SULF1: variants seen among roughly 807,000 people sequenced by gnomAD.
SULF1 encodes the protein sulfatase 1, also known as extracellular sulfatase Sulf-1.
Under a neutral mutation model 110.5 loss-of-function variants are expected in SULF1, and 46 were observed. The ratio of observed to expected loss-of-function variants is 0.42; its 90% CI spans 0.33 to 0.53. The LOEUF (loss-of-function observed/expected upper bound fraction) is 0.53, where lower values mean the gene tolerates loss of function less well. Among genes scored for constraint, SULF1 ranks in the 20% least tolerant of loss-of-function variants. The pLI, the probability that SULF1 is intolerant of heterozygous loss-of-function variation, is 0.12. For synonymous variants in SULF1, 371 were observed against 387.1 expected (o/e 0.96, Z 0.49); for missense variants, 941 against 1,094.2 (o/e 0.86, Z 1.98).
chr8:69,527,397 G>A lies in SULF1; in HGVS notation c.-134+25429G>A, dbSNP rs537002861. ...AATAGCCATGTCATTGGGGGCAAGC[G>A]GAAAGACAAGGTAAATGACCAGTAG... On this transcript the variant is annotated intron_variant, in intron 3 of 22. Coordinates refer to ENST00000402687, the MANE Select transcript of SULF1 (RefSeq NM_001128205.2). Among the ~76,000 whole-genome samples, 7 of 152,038 alleles carry A rather than the reference G, an allele frequency of 4.6e-5. No homozygotes were observed. The South Asian group carries it at 8.3e-4, about 18-fold the overall frequency.
chr8:69,568,352 G>A (rs76088786), intron 5 of SULF1, among the ~76,000 whole-genome samples: 2 of 152,206 alleles, frequency 1.3e-5, no homozygotes, highest in East Asian at 1.9e-4. Flanking sequence ...TTATAAAATC[G>A]AGCCAGGGAG....
chr8:69,618,472 T>C (rs1809351318), intron 13 of SULF1, among the ~76,000 whole-genome samples: 1 of 152,188 alleles, frequency 6.6e-6, no homozygotes, highest in Non-Finnish European at 1.5e-5. Context: ...AGTATGTATG[T>C]AGGCTAAATG....
At chr8:69,591,394 A>C (rs1293802889) in intron 8 of SULF1, among the ~76,000 whole-genome samples, 1 of 151,772 alleles carries the variant, frequency 6.6e-6, no homozygotes, top group Admixed American at 6.6e-5. Flanking sequence ...CTCTACTAAA[A>C]ATACAAAAAA....
At chr8:69,490,716 G>C (rs1809900180), upstream of SULF1, among the ~76,000 whole-genome samples, 1 of 152,122 alleles carries the variant, frequency 6.6e-6, no homozygotes, top group African/African-American at 2.4e-5. Context: ...CATTGACTAT[G>C]GAATCAGACC....
chr8:69,486,508 A>C (rs773771371), intron 1 of SULF1, among the ~76,000 whole-genome samples: 1 of 152,140 alleles, frequency 6.6e-6, no homozygotes, highest in African/African-American at 2.4e-5. Context: ...AGACTAATTA[A>C]ATTTCCTACG....
intron 22 of SULF1, among the ~76,000 whole-genome samples, chr8:69,647,471 AAAAT>A (rs985964460): frequency 6.6e-6 from 1 of 152,224 alleles, no homozygotes; most frequent in Admixed American, 6.5e-5. Flanking sequence ...TTTCATTTGT[AAAAT>A]AAATAGCTAT....
chr8:69,482,176 C>A lies in SULF1; in HGVS notation c.-390-13589C>A, dbSNP rs112241808. On this transcript the variant is annotated intron_variant, in intron 1 of 22. Transcript: ENST00000260128. ...AAAAGGATGACACAGAGGGTGAGGGCATCAGACTCTTTTGCTCTCACCACT... is the reference window on the plus strand; with the variant it reads ...AAAAGGATGACACAGAGGGTGAGGGAATCAGACTCTTTTGCTCTCACCACT... Among the ~76,000 whole-genome samples, 598 of 152,270 alleles carry A rather than the reference C, an allele frequency of 3.9e-3. 6 individuals are homozygous for A. The highest frequency in any genetic ancestry group is 0.014 in the African/African-American group (562 of 41,562).
chr8:69,595,705 C>T (rs1411214745), intron 8 of SULF1, among the ~76,000 whole-genome samples: 4 of 152,074 alleles, frequency 2.6e-5, no homozygotes, highest in Admixed American at 2.0e-4. Flanking sequence ...TTAGATCATT[C>T]GGGTTTTTTG....
In SULF1 at chr8:69,576,063, C is replaced by A. The variant is rs1389002010; in HGVS notation, c.266C>A (p.Pro89Gln). ...NAFVTTPMCC[P>Q]SRSSMLTGKY... ...TTTGTGACTACACCCATGTGCTGCCCGTCACGGTCCTCCATGCTCACCGGG... is the reference window on the plus strand; with the variant it reads ...TTTGTGACTACACCCATGTGCTGCCAGTCACGGTCCTCCATGCTCACCGGG... The change falls in exon 6 of 23, where the codon CCG becomes CAG. Residue 89 changes from proline (P) to glutamine (Q), a missense_variant. By Grantham distance (76) the Pro-to-Gln change is moderately conservative. Transcript: ENST00000402687. 1 of 1,614,188 alleles carries A rather than the reference C, an allele frequency of 6.2e-7. No individual in the cohort carries two copies. Among genetic ancestry groups the A allele is most frequent in the Non-Finnish European group, 8.5e-7 (1 of 1,180,046 alleles).
intron 6 of SULF1, among the ~76,000 whole-genome samples, chr8:69,578,432 C>T (rs950399855): frequency 2.6e-5 from 4 of 151,462 alleles, no homozygotes; most frequent in South Asian, 2.1e-4. Context: ...ATACATGTGC[C>T]GTGCTGGTGT....
At chr8:69,636,970 C>T (rs963372643) in intron 19 of SULF1, among the ~76,000 whole-genome samples, 6 of 152,146 alleles carry the variant, frequency 3.9e-5, no homozygotes, top group Non-Finnish European at 8.8e-5. Context: ...TTGGGAAGTG[C>T]TTTAGAGCTT....
At position 69,498,345 on chromosome 8, in the gene SULF1, G is replaced by A. The variant is rs182355011; in HGVS notation, c.-229+2419G>A. Reference sequence around the variant, plus strand: ...TGCTTGAGAAAACATTCAGAGTCTTGGAGTCTATATTTTTAACCAAAACTT... The same window carrying A: ...TGCTTGAGAAAACATTCAGAGTCTTAGAGTCTATATTTTTAACCAAAACTT... On this transcript the variant is annotated intron_variant, in intron 2 of 22. Transcript: ENST00000402687. Among the ~76,000 whole-genome samples the A allele has an allele frequency of 8.2e-5, 12 of 145,844 alleles. No homozygotes were observed. The East Asian group carries it at 2.3e-3, about 28-fold the overall frequency.
Position 69,603,605 on chromosome 8 carries a change from G to C in SULF1, c.1196G>C (p.Arg399Pro). 1 of 1,613,086 alleles carries C rather than the reference G, an allele frequency of 6.2e-7. No individual in the cohort carries two copies. Among genetic ancestry groups the C allele is most frequent in the Non-Finnish European group, 8.5e-7 (1 of 1,179,064 alleles). ...TATTATCATTTTGCTTTCAGGTTTC[G>C]AACAAACAAGAAGGCCAAAATTTGG... ...LDPEKPGNRF[R>P]TNKKAKIWRD... Residue 399 changes from arginine (R) to proline (P), a missense_variant, in exon 12 of 23, where the codon CGA becomes CCA. Coordinates refer to ENST00000402687, the MANE Select transcript of SULF1 (RefSeq NM_001128205.2).
intron 5 of SULF1, among the ~76,000 whole-genome samples, chr8:69,572,914 G>C (rs1805336643): frequency 6.6e-6 from 1 of 152,186 alleles, no homozygotes; most frequent in Non-Finnish European, 1.5e-5. Flanking sequence ...TGCAACCTCT[G>C]CCTCCTGGGT....
At chr8:69,508,305 A>G (rs1160624327) in intron 3 of SULF1, among the ~76,000 whole-genome samples, 2 of 152,140 alleles carry the variant, frequency 1.3e-5, no homozygotes, top group South Asian at 2.1e-4. Context: ...GGGTTTCTCC[A>G]TGTTTATCAA....
chr8:69,528,852 T>C (rs1308364769), intron 3 of SULF1, among the ~76,000 whole-genome samples: 1 of 152,142 alleles, frequency 6.6e-6, no homozygotes, highest in Non-Finnish European at 1.5e-5. Context: ...TGTTTTAGGT[T>C]TCAAATTTAA....
intron 2 of SULF1, among the ~76,000 whole-genome samples, chr8:69,500,807 G>A (rs1810744496): frequency 6.6e-6 from 1 of 152,174 alleles, no homozygotes; most frequent in Non-Finnish European, 1.5e-5. Flanking sequence ...CGGCGGCGGA[G>A]TTTCACTGCT....
chr8:69,578,700 C>T (rs1805819424), intron 6 of SULF1, among the ~76,000 whole-genome samples: 2 of 151,892 alleles, frequency 1.3e-5, no homozygotes, highest in Non-Finnish European at 2.9e-5. Flanking sequence ...TTGTTTCAGT[C>T]GATGTCTTCT....
At chr8:69,553,814 A>G (rs191045253) in intron 3 of SULF1, among the ~76,000 whole-genome samples, 1 of 152,204 alleles carries the variant, frequency 6.6e-6, no homozygotes, top group Admixed American at 6.5e-5. Context: ...AACATCATCT[A>G]TCTTCCTTTC....
Sources: allele counts gnomAD v4.1 joint callset (sites outside exome capture counted in the v4.1 genomes callset), GRCh38; gene constraint gnomAD v4.1.1; transcripts MANE v1.5; gene names NCBI Gene and HGNC (gene_info 2026-07-23, HGNC 2026-07-21).